FOXN3: variants seen among roughly 807,000 people sequenced by gnomAD.
FOXN3 encodes forkhead box N3, also known as forkhead box protein N3.
Under a neutral mutation model 38.4 loss-of-function variants are expected in FOXN3, and 7 were observed. The ratio of observed to expected loss-of-function variants is 0.18; its 90% CI spans 0.10 to 0.34. FOXN3 has a LOEUF of 0.34. Ranked by LOEUF, FOXN3 falls within the 10% of genes least tolerant of loss-of-function variation. FOXN3 has a pLI of 1.00. For synonymous variants in FOXN3, 230 were observed against 242.2 expected (o/e 0.95, Z 0.47); for missense variants, 456 against 613.4 (o/e 0.74, Z 2.71).
intron 3 of FOXN3, among the ~76,000 whole-genome samples, chr14:89,313,728 C>A: frequency 6.6e-6 from 1 of 152,076 alleles, no homozygotes; most frequent in East Asian, 1.9e-4. Flanking sequence ...AGTAGCAACC[C>A]AAATGTCCCT....
intron 1 of FOXN3, among the ~76,000 whole-genome samples, chr14:89,481,717 C>T (rs1893334163): frequency 6.6e-6 from 1 of 152,168 alleles, no homozygotes; most frequent in Non-Finnish European, 1.5e-5. Context: ...TGCATACACA[C>T]CTAGCAGTCT....
At chr14:89,280,903 G>T in intron 4 of FOXN3, 47 bp downstream of exon 4, 1 of 1,517,028 alleles carries the variant, frequency 6.6e-7, no homozygotes, top group Non-Finnish European at 9.1e-7. Context: ...GATGAAAGGC[G>T]GGTGGGTGAG....
chr14:89,530,870 A>G (rs1428793550), intron 1 of FOXN3, among the ~76,000 whole-genome samples: 2 of 150,558 alleles, frequency 1.3e-5, no homozygotes, highest in South Asian at 4.2e-4. Flanking sequence ...TCAACCTCCC[A>G]AAGTGCTGGG....
At chr14:89,221,753 A>G (rs1884470390) in intron 4 of FOXN3, among the ~76,000 whole-genome samples, 1 of 152,142 alleles carries the variant, frequency 6.6e-6, no homozygotes, top group Non-Finnish European at 1.5e-5. Flanking sequence ...CTCTTAAAAT[A>G]TCATTTTTTA....
At chr14:89,592,034 G>A (rs10147853) in intron 1 of FOXN3, among the ~76,000 whole-genome samples, 2,598 of 152,230 alleles carry the variant, frequency 0.017, 68 homozygotes, top group African/African-American at 0.059. Flanking sequence ...TAAGAGAAGA[G>A]AAGGCATTGC....
At chr14:89,355,352 C>A (rs904065784) in intron 2 of FOXN3, 3 of 151,746 alleles carry the variant, frequency 2.0e-5, no homozygotes, top group African/African-American at 7.3e-5. Flanking sequence ...CTCAGTCTCC[C>A]GAGAGGCTGG....
chr14:89,232,183 C>G (rs1272052446), intron 4 of FOXN3, among the ~76,000 whole-genome samples: 1 of 152,230 alleles, frequency 6.6e-6, no homozygotes, highest in Non-Finnish European at 1.5e-5. Context: ...TGCTAGTAAC[C>G]TGGGCAGAAC....
At chr14:89,304,944 TAAAAAAA>T (rs200830937) in intron 3 of FOXN3, among the ~76,000 whole-genome samples, 166 of 133,596 alleles carry the variant, frequency 1.2e-3, no homozygotes, top group African/African-American at 4.4e-3. Context: ...TGTAGTTTCT[TAAAAAAA>T]AAAAAAAAAA....
chr14:89,347,944 C>A (rs1888817063), intron 3 of FOXN3, among the ~76,000 whole-genome samples: 2 of 130,348 alleles, frequency 1.5e-5, no homozygotes, highest in African/African-American at 3.5e-5. Context: ...GAGAGCAAGA[C>A]TCCGTCTCAA....
At chr14:89,212,091 C>T (rs1596106189) in intron 4 of FOXN3, among the ~76,000 whole-genome samples, 1 of 152,226 alleles carries the variant, frequency 6.6e-6, no homozygotes, top group African/African-American at 2.4e-5. Flanking sequence ...AAAGTCTGTA[C>T]ACCAGAAACC....
rs1304419471 is a variant in FOXN3, at chr14:89,415,865, CA to C, written c.-15+1005del. ...TTTTCTCTACACACACACACACACA[CA>C]CACACACACACACACACCCTCTTTT... On this transcript the variant is annotated intron_variant, in intron 1 of 5. Transcript: ENST00000557258. Among the ~76,000 whole-genome samples, 53 of 151,580 alleles carry C rather than the reference CA, an allele frequency of 3.5e-4. No homozygotes were observed. The East Asian group carries it at 6.0e-3, about 17-fold the overall frequency.
At chr14:89,336,103 G>A (rs769574818) in intron 3 of FOXN3, among the ~76,000 whole-genome samples, 4 of 149,266 alleles carry the variant, frequency 2.7e-5, no homozygotes, top group Non-Finnish European at 5.9e-5. Context: ...CCCTACATTC[G>A]CTTTTCGATT....
chr14:89,511,177 C>CTTTCTTTCT (rs1894061804), intron 1 of FOXN3, among the ~76,000 whole-genome samples: 1 of 48,982 alleles, frequency 2.0e-5, no homozygotes, highest in African/African-American at 5.9e-5. Context: ...TTCTTTCTTT[C>CTTTCTTTCT]TTTCTTTCTT....
At chr14:89,324,445 T>TGC (rs1456937190) in intron 3 of FOXN3, among the ~76,000 whole-genome samples, 24 of 6,660 alleles carry the variant, frequency 3.6e-3, no homozygotes, top group African/African-American at 0.019. Flanking sequence ...AGTGTGTGCG[T>TGC]GTGTGTGTGT....
intron 1 of FOXN3, among the ~76,000 whole-genome samples, chr14:89,465,262 G>A (rs1357096466): frequency 6.6e-6 from 1 of 152,032 alleles, no homozygotes; most frequent in East Asian, 1.9e-4. Context: ...ACAGAGTCTT[G>A]CTCTGTTGCC....
intron 2 of FOXN3, among the ~76,000 whole-genome samples, chr14:89,384,435 C>G (rs917924270): frequency 1.3e-5 from 2 of 152,170 alleles, no homozygotes; most frequent in African/African-American, 4.8e-5. Flanking sequence ...TAATACGTAC[C>G]AGGAACATAC....
At chr14:89,556,382 A>G (rs1289697332) in intron 1 of FOXN3, among the ~76,000 whole-genome samples, 2 of 151,510 alleles carry the variant, frequency 1.3e-5, no homozygotes, top group Non-Finnish European at 2.9e-5. Context: ...TAGCCTGGGC[A>G]ACAAGAGTGA....
At chr14:89,225,078 G>A (rs923711129) in intron 4 of FOXN3, among the ~76,000 whole-genome samples, 6 of 149,006 alleles carry the variant, frequency 4.0e-5, no homozygotes, top group African/African-American at 7.5e-5. Flanking sequence ...GCAGTGAGCC[G>A]AGATTGTGCC....
chr14:89,617,214 G>A (rs1296992221), intron 1 of FOXN3, among the ~76,000 whole-genome samples: 3 of 152,176 alleles, frequency 2.0e-5, no homozygotes, highest in African/African-American at 7.2e-5. Flanking sequence ...CAACTTCTGG[G>A]ACAGTGCTTC....
Sources: gnomAD v4.1 joint callset for allele counts (sites outside exome capture counted in the v4.1 genomes callset) on GRCh38, gnomAD v4.1.1 for gene constraint, MANE v1.5 for transcripts, NCBI Gene and HGNC (gene_info 2026-07-23, HGNC 2026-07-21) for gene names.